The following KCNQ2 variants were observed in gnomAD, a reference collection of about 807,000 sequenced individuals.
KCNQ2 encodes potassium voltage-gated channel subfamily KQT member 2.
A neutral mutation model predicts 84.8 loss-of-function variants in KCNQ2; 14 were observed. That is an observed-to-expected ratio of 0.17 (90% CI 0.11 to 0.26). The LOEUF is 0.26. Among genes scored for constraint, KCNQ2 ranks in the 10% least tolerant of loss-of-function variants. The pLI is 1.00. For synonymous variants in KCNQ2, 599 were observed against 554.1 expected, an observed-to-expected ratio of 1.08 and a Z score of -1.14; for missense variants, 788 against 1,254.0, an observed-to-expected ratio of 0.63 and a Z score of 5.61.
At position 63,424,170 on chromosome 20, in the gene KCNQ2, C is replaced by T. The variant is rs1312739663; in HGVS notation, c.1247+7G>A. 2 of 1,555,992 alleles carry T rather than the reference C, an allele frequency of 1.3e-6. No homozygotes were observed. Among genetic ancestry groups the T allele is most frequent in the African/African-American group, 1.4e-5 (1 of 73,652 alleles). ...CAGACACCAGGGTAGCAGCAGGGGG[C>T]ACTGACCTTGGAGACGGCTCCGGCG... On this transcript the variant is annotated splice_region_variant and intron_variant, in intron 11 of 16. Coordinates refer to ENST00000359125, the MANE Select transcript of KCNQ2 (RefSeq NM_172107.4).
chr20:63,440,026 C>A (rs374166347), intron 5 of KCNQ2, among the ~76,000 whole-genome samples: 146 of 152,348 alleles, frequency 9.6e-4, no homozygotes, highest in African/African-American at 3.4e-3. Flanking sequence ...TGCATCCCCG[C>A]CAGGTGAAGA....
chr20:63,400,887 G>A lies in KCNQ2; in HGVS notation c.*5757C>T, dbSNP rs775245272. 35 of 398,244 alleles carry A rather than the reference G, an allele frequency of 8.8e-5. No homozygotes were observed. Among genetic ancestry groups the A allele is most frequent in the Non-Finnish European group, 1.4e-4 (32 of 225,858 alleles). 24.7% of individuals were successfully genotyped at this position (398,244 alleles called of 1,614,324 possible). A position where few individuals can be genotyped will look rare whatever the true frequency, so the allele number is the denominator to read the frequency against. ...CCCACCTGTTCGCAGGGTCCAGGGC[G>A]TCCGTACCTGGCACAGCCAGGGGGC... On this transcript the variant is annotated 3_prime_UTR_variant, in exon 17 of 17. Coordinates refer to ENST00000359125, the MANE Select transcript of KCNQ2 (RefSeq NM_172107.4). The surrounding 1 kb of genome is among the most constrained non-coding windows in gnomAD (Gnocchi z 8.7).
At chr20:63,412,926 C>T (rs1174692934) in intron 15 of KCNQ2, among the ~76,000 whole-genome samples, 1 of 152,166 alleles carries the variant, frequency 6.6e-6, no homozygotes. Context: ...ACTTAGGGGA[C>T]ACCTATGCCA....
At position 63,414,655 on chromosome 20, in the gene KCNQ2, G is replaced by A. The variant is rs2080229068; in HGVS notation, c.1525+248C>T. 1.3e-5 allele frequency among the ~76,000 whole-genome samples: 2 copies of A among 151,756 alleles called. No homozygotes were observed. Among genetic ancestry groups the A allele is most frequent in the Non-Finnish European group, 2.9e-5 (2 of 67,966 alleles). ...GGTTTCCTTCTGTGGTGATGAGAAT[G>A]TTCTGGAACTAGGCTGAGGTGGTGG... On this transcript the variant is annotated intron_variant, in intron 13 of 16. Transcript: ENST00000359125. The surrounding 1 kb of genome is among the most constrained non-coding windows in gnomAD (Gnocchi z 6.6).
At chr20:63,440,862 C>G (rs767593365) in intron 5 of KCNQ2, among the ~76,000 whole-genome samples, 10 of 151,792 alleles carry the variant, frequency 6.6e-5, no homozygotes, top group African/African-American at 2.4e-4. Context: ...ACAGAGTGGG[C>G]GGGAGGCTGG....
rs1475237997 is a variant in KCNQ2, at chr20:63,407,710, C to T, written c.1888-335G>A. 6.9e-6 allele frequency among the ~76,000 whole-genome samples: 1 copy of T among 145,476 alleles called. No individual in the cohort carries two copies. Among genetic ancestry groups the T allele is most frequent in the Non-Finnish European group, 1.5e-5 (1 of 66,292 alleles). ...CCTGGACCACTCCCAGGAAGTCGGT[C>T]GACTTGGGCTGGTCCCAGGAGGTGG... On this transcript the variant is annotated intron_variant, in intron 16 of 16. Coordinates refer to ENST00000359125, the MANE Select transcript of KCNQ2 (RefSeq NM_172107.4). The surrounding 1 kb of genome is among the most constrained non-coding windows in gnomAD (Gnocchi z 7.2).
At chr20:63,442,719 C>CCACCACCACCATCACCACCAT (rs1568933984) in intron 4 of KCNQ2, among the ~76,000 whole-genome samples, 188 bp from the exon 5 acceptor site, 1 of 38,396 alleles carries the variant, frequency 2.6e-5, no homozygotes, top group Non-Finnish European at 5.6e-5. Flanking sequence ...ACCACCACCA[C>CCACCACCACCATCACCACCAT]CACCATCATC....
chr20:63,408,722 C>T lies in KCNQ2; in HGVS notation c.1764-186G>A, dbSNP rs573672031. ...GCCCCGTTCTCAGCCCGTCTTCTGG[C>T]ACCGTGAGGTTCTGCTCCTGCCCGC... On this transcript the variant is annotated intron_variant, in intron 15 of 16. Transcript: ENST00000359125. This position sits in a 1 kb window ranked among gnomAD's most constrained non-coding sequence, Gnocchi z 5.0. Among the ~76,000 whole-genome samples, 34 of 152,346 alleles carry T rather than the reference C, an allele frequency of 2.2e-4. No homozygotes were observed. The highest frequency in any genetic ancestry group is 4.1e-4 in the Non-Finnish European group (28 of 68,020).
At chr20:63,465,223 G>C (rs2082050538) in intron 1 of KCNQ2, among the ~76,000 whole-genome samples, 1 of 152,216 alleles carries the variant, frequency 6.6e-6, no homozygotes, top group African/African-American at 2.4e-5. Context: ...ACCCATCCCA[G>C]CTTCAGAAAA....
Position 63,438,583 on chromosome 20 carries a change from G to T in KCNQ2, c.1023+42C>A. ...TCCACTCCTCAACAAGGTGGGACCAGGACAAGGGCTGTGCTGGTCCCCGGG... is the reference window on the plus strand; with the variant it reads ...TCCACTCCTCAACAAGGTGGGACCATGACAAGGGCTGTGCTGGTCCCCGGG... On this transcript the variant is annotated intron_variant, in intron 7 of 16. Coordinates refer to ENST00000359125, the MANE Select transcript of KCNQ2 (RefSeq NM_172107.4). The surrounding 1 kb of genome is among the most constrained non-coding windows in gnomAD (Gnocchi z 5.1). 1 of 1,561,666 alleles carries T rather than the reference G, an allele frequency of 6.4e-7. No individual in the cohort carries two copies. Among genetic ancestry groups the T allele is most frequent in the Non-Finnish European group, 8.8e-7 (1 of 1,133,624 alleles).
At chr20:63,457,227 C>T (rs1032623426) in intron 1 of KCNQ2, among the ~76,000 whole-genome samples, 6 of 152,238 alleles carry the variant, frequency 3.9e-5, no homozygotes, top group East Asian at 1.9e-4. Flanking sequence ...AGACCTCTCG[C>T]GTGGAGCCGC....
At chr20:63,466,590 C>T (rs1371205541) in intron 1 of KCNQ2, 2 of 152,280 alleles carry the variant, frequency 1.3e-5, no homozygotes, top group African/African-American at 4.8e-5. Flanking sequence ...GCTTGGGGAA[C>T]ATCGCACGCA....
In KCNQ2 at chr20:63,406,901, T is replaced by C. The variant is rs2079955561; in HGVS notation, c.2362A>G (p.Ile788Val). ...TCGTGGTCCACGGACGGGATGGAGA[T>C]GGACGTGTCGCTGTCCCGCAGGTTC... Reference protein sequence around the residue: ...EGNLRDSDTSISIPSVDHEEL... With the variant: ...EGNLRDSDTSVSIPSVDHEEL... The change falls in exon 17 of 17, where the codon ATC becomes GTC. Residue 788 changes from isoleucine (I) to valine (V), a missense_variant. This residue lies in a region of KCNQ2 where 378 missense variants were observed against 434.5 expected (regional missense o/e 0.87). Coordinates refer to ENST00000359125, the MANE Select transcript of KCNQ2 (RefSeq NM_172107.4). 6.2e-7 allele frequency: 1 copy of C among 1,611,280 alleles called. No individual in the cohort carries two copies. The highest frequency in any genetic ancestry group is 8.5e-7 in the Non-Finnish European group (1 of 1,179,496).
At chr20:63,428,854 C>A (rs1217730226) in intron 9 of KCNQ2, among the ~76,000 whole-genome samples, 2 of 152,186 alleles carry the variant, frequency 1.3e-5, no homozygotes, top group African/African-American at 4.8e-5. Flanking sequence ...CTCTACACAG[C>A]CACTTTCTCT....
At chr20:63,428,223 C>A (rs926014576) in intron 10 of KCNQ2, 144 bp downstream of exon 10, 3 of 676,072 alleles carry the variant, frequency 4.4e-6, no homozygotes, top group South Asian at 1.7e-5. Context: ...AGAGAAAGCA[C>A]CACCATCACC....
At chr20:63,440,736 C>T (rs1030308729) in intron 5 of KCNQ2, among the ~76,000 whole-genome samples, 5 of 152,148 alleles carry the variant, frequency 3.3e-5, no homozygotes, top group Non-Finnish European at 7.4e-5. Context: ...CTGGGCCGCA[C>T]CTGCTCCACA....
intron 2 of KCNQ2, chr20:63,445,702 A>AG: frequency 2.8e-6 from 1 of 351,554 alleles, no homozygotes; most frequent in Admixed American, 4.8e-5. Context: ...TATCTGGGCT[A>AG]GGGAACCCTG....
chr20:63,449,851 G>A (rs978244799), intron 1 of KCNQ2, among the ~76,000 whole-genome samples: 1 of 151,870 alleles, frequency 6.6e-6, no homozygotes, highest in Non-Finnish European at 1.5e-5. Flanking sequence ...CATCACCCCA[G>A]GCTCAGGCTC....
chr20:63,442,721 A>T (rs1323654892), intron 4 of KCNQ2, among the ~76,000 whole-genome samples, 190 bp from the exon 5 acceptor site: 8 of 83,126 alleles, frequency 9.6e-5, no homozygotes, highest in Non-Finnish European at 2.1e-4. Flanking sequence ...CACCACCACC[A>T]CCATCATCAC....
Sources: gnomAD v4.1 joint callset for allele counts (sites outside exome capture counted in the v4.1 genomes callset) on GRCh38, gnomAD v4.1.1 for gene constraint, gnomAD v4.1.1 regional missense constraint, Gnocchi (gnomAD v3.1) non-coding constraint, MANE v1.5 for transcripts, NCBI Gene and HGNC (gene_info 2026-07-23, HGNC 2026-07-21) for gene names.